Variants in AR observed in about 807,000 individuals in gnomAD.
AR encodes the protein dihydrotestosterone receptor.
Under a neutral mutation model 53.9 loss-of-function variants are expected in AR, and 8 were observed. The ratio of observed to expected loss-of-function variants is 0.15; its 90% CI spans 0.09 to 0.27. The LOEUF (loss-of-function observed/expected upper bound fraction) is 0.27. AR is among the 10% of genes least tolerant of loss of function. AR has a pLI of 1.00. For missense variants in AR, 639 were observed against 742.5 expected (o/e 0.86, Z 1.62); for synonymous variants, 359 against 316.4 (o/e 1.13, Z -1.43).
At chrX:67,690,321 G>T (rs2075988968) in intron 3 of AR, among the ~76,000 whole-genome samples, 1 of 111,794 alleles carries the variant, frequency 8.9e-6, no homozygotes, top group Admixed American at 9.5e-5. Context: ...TGAGAGGATG[G>T]CTCAAGGAGC....
chrX:67,660,841 C>G (rs1926863822), intron 2 of AR, among the ~76,000 whole-genome samples: 1 of 111,760 alleles, frequency 8.9e-6, no homozygotes, highest in African/African-American at 3.3e-5. Flanking sequence ...TCTTCCTACC[C>G]ATGAGCATGG....
chrX:67,721,386 C>T (rs1187422066), intron 5 of AR, among the ~76,000 whole-genome samples: 1 of 112,049 alleles, frequency 8.9e-6, no homozygotes, highest in African/African-American at 3.2e-5. Context: ...ATGTTAAGAG[C>T]TGACTACTGG....
chrX:67,573,707 C>A (rs1295192979), intron 1 of AR, among the ~76,000 whole-genome samples: 3 of 111,793 alleles, frequency 2.7e-5, no homozygotes, highest in Non-Finnish European at 5.7e-5. Context: ...GTCACTACCT[C>A]ATTGTATATA....
At chrX:67,613,030 C>A (rs760713132) in intron 1 of AR, among the ~76,000 whole-genome samples, 22 of 112,343 alleles carry the variant, frequency 2.0e-4, no homozygotes, top group Non-Finnish European at 3.9e-4. Context: ...CTTCCACACC[C>A]ACTTTCTACG....
intron 1 of AR, among the ~76,000 whole-genome samples, chrX:67,563,409 T>A (rs139342895): frequency 1.8e-5 from 2 of 111,937 alleles, no homozygotes; most frequent in Non-Finnish European, 3.8e-5. Context: ...TTTGTTGGGT[T>A]TTTGTGAATA....
At chrX:67,592,048 A>G (rs779933435) in intron 1 of AR, among the ~76,000 whole-genome samples, 53 of 112,713 alleles carry the variant, frequency 4.7e-4, no homozygotes, top group Non-Finnish European at 9.2e-4. Flanking sequence ...TGTGAAACTA[A>G]GATAATGTGT....
At chrX:67,694,574 A>G in intron 3 of AR, 1 of 1,052,721 alleles carries the variant, frequency 9.5e-7, no homozygotes. Context: ...GCTGCTTCCT[A>G]TGTTAGAGGA....
intron 3 of AR, among the ~76,000 whole-genome samples, chrX:67,708,727 A>G (rs1393549769): frequency 9.0e-6 from 1 of 111,173 alleles, no homozygotes; most frequent in Non-Finnish European, 1.9e-5. Context: ...TGATTTTTAG[A>G]ATGTTTCAGT....
In AR at chrX:67,576,386, A is replaced by G. The variant is rs774142853; in HGVS notation, c.1616+29624A>G. ...CCCAACTATAACTTCTTGGCACTAT[A>G]CCTATCTTCTGATGTGCCTGTGGAA... is the stretch of plus-strand genomic sequence containing the variant. On this transcript the variant is annotated intron_variant, in intron 1 of 7. Coordinates refer to ENST00000374690, the MANE Select transcript of AR (RefSeq NM_000044.6). 3.0e-4 allele frequency among the ~76,000 whole-genome samples: 33 copies of G among 110,561 alleles called. No individual in the cohort carries two copies. In the South Asian group the frequency reaches 0.011, roughly 36 times the overall value.
At chrX:67,585,692 C>A (rs1328037205) in intron 1 of AR, among the ~76,000 whole-genome samples, 2 of 112,096 alleles carry the variant, frequency 1.8e-5, no homozygotes, top group East Asian at 5.6e-4. Context: ...GTTTAAAAAT[C>A]ACCATACCAT....
chrX:67,605,590 C>A (rs1200629506), intron 1 of AR, among the ~76,000 whole-genome samples: 1 of 112,122 alleles, frequency 8.9e-6, no homozygotes, highest in East Asian at 2.8e-4. Context: ...CTGGAGCATT[C>A]TTTATGAGAA....
intron 1 of AR, among the ~76,000 whole-genome samples, chrX:67,641,317 A>G (rs1925751851): frequency 8.9e-6 from 1 of 112,131 alleles, no homozygotes; most frequent in African/African-American, 3.2e-5. Context: ...GATGATATGT[A>G]TGAAATGGCC....
intron 3 of AR, among the ~76,000 whole-genome samples, chrX:67,703,033 G>A (rs924129649): frequency 1.8e-5 from 2 of 111,245 alleles, no homozygotes; most frequent in African/African-American, 3.3e-5. Flanking sequence ...AGCTTTGATC[G>A]TGCCACTGCT....
chrX:67,583,601 T>G (rs1200801615), intron 1 of AR, among the ~76,000 whole-genome samples: 1 of 112,109 alleles, frequency 8.9e-6, no homozygotes, highest in Non-Finnish European at 1.9e-5. Context: ...ATGGTCATTC[T>G]GCTAACCACT....
intron 3 of AR, among the ~76,000 whole-genome samples, chrX:67,704,728 A>G (rs2076057887): frequency 8.9e-6 from 1 of 111,776 alleles, no homozygotes; most frequent in Non-Finnish European, 1.9e-5. Context: ...GCCGGTGCCT[A>G]TGTCATGAAT....
At chrX:67,633,845 A>T (rs1443801126) in intron 1 of AR, among the ~76,000 whole-genome samples, 3 of 112,064 alleles carry the variant, frequency 2.7e-5, no homozygotes, top group Non-Finnish European at 5.6e-5. Flanking sequence ...TTTGTATTAA[A>T]TGTCCATAAA....
intron 1 of AR, among the ~76,000 whole-genome samples, chrX:67,555,002 G>A (rs1008971401): frequency 9.1e-6 from 1 of 109,978 alleles, no homozygotes; most frequent in Non-Finnish European, 1.9e-5. Context: ...GAAGAGATAA[G>A]GTGAAAGGGG....
chrX:67,727,081 G>C lies in AR; in HGVS notation c.*3240G>C, dbSNP rs953769044. 2.9e-5 allele frequency: 5 copies of C among 172,800 alleles called. 1 individual carries two copies. The highest frequency in any genetic ancestry group is 1.5e-4 in the African/African-American group (5 of 34,126). The allele number at this position is 172,800 out of a possible 1,213,427, so 14.2% of individuals were successfully genotyped here. ...AGTCAAAGAAAAGAGTCGTGTGGCA[G>C]TTTCAGCTCTCGTTCATTGGGCAGC... On this transcript the variant is annotated 3_prime_UTR_variant, in exon 8 of 8. Coordinates refer to ENST00000374690, the MANE Select transcript of AR (RefSeq NM_000044.6).
chrX:67,628,299 C>G lies in AR; in HGVS notation c.1617-14957C>G, dbSNP rs1394273176. Among the ~76,000 whole-genome samples, 49 of 100,027 alleles carry G rather than the reference C, an allele frequency of 4.9e-4. 1 individual carries two copies. Among genetic ancestry groups the G allele is most frequent in the African/African-American group, 1.5e-3 (46 of 29,690 alleles). The allele number at this position is 100,027 out of a possible 115,157, so 86.9% of individuals were successfully genotyped here. ...GAATGTTCTTCCATTTGTTTGTATC[C>G]TCTTTTATTTCCTTGAGCAGTGGTT... On this transcript the variant is annotated intron_variant, in intron 1 of 7. Transcript: ENST00000374690.
Sources: allele counts gnomAD v4.1 joint callset (sites outside exome capture counted in the v4.1 genomes callset), GRCh38; gene constraint gnomAD v4.1.1; transcripts MANE v1.5; gene names NCBI Gene and HGNC (gene_info 2026-07-23, HGNC 2026-07-21).